KLF16: variants seen among roughly 807,000 people sequenced by gnomAD.
KLF16 encodes KLF transcription factor 16.
Under a neutral mutation model 6.1 loss-of-function variants are expected in KLF16, and 6 were observed. The observed-to-expected ratio is 0.98, with a 90% CI of 0.54 to 1.93. The LOEUF (loss-of-function observed/expected upper bound fraction) is 1.93. KLF16 is among the 30% of genes most tolerant of loss of function. The pLI is 0.01. For synonymous variants in KLF16, 211 were observed against 176.5 expected (o/e 1.20, Z -1.55); for missense variants, 355 against 363.8 (o/e 0.98, Z 0.20).
At chr19:1,856,425 G>C (rs2011951127) in intron 1 of KLF16, among the ~76,000 whole-genome samples, 1 of 152,188 alleles carries the variant, frequency 6.6e-6, no homozygotes, top group Non-Finnish European at 1.5e-5. Flanking sequence ...ACTGCAGACA[G>C]AGACCAGCAG....
chr19:1,869,710 G>A, the KLF16 span, among the ~76,000 whole-genome samples: 3 of 152,274 alleles, frequency 2.0e-5, no homozygotes, highest in South Asian at 6.2e-4. Context: ...GGGCTCCAGT[G>A]ATCCTCACAC....
At chr19:1,860,740 G>C (rs2012048151) in intron 1 of KLF16, among the ~76,000 whole-genome samples, 1 of 152,174 alleles carries the variant, frequency 6.6e-6, no homozygotes, top group Non-Finnish European at 1.5e-5. Flanking sequence ...CCTCCTCCGG[G>C]GGCTGAAAAA....
chr19:1,855,427 G>A (rs970032862), intron 1 of KLF16, among the ~76,000 whole-genome samples: 2 of 152,148 alleles, frequency 1.3e-5, no homozygotes, highest in African/African-American at 4.8e-5. Context: ...GGAGGGGAGG[G>A]GGCGGGGTCT....
chr19:1,856,313 A>T (rs2011948737), intron 1 of KLF16, among the ~76,000 whole-genome samples: 1 of 152,150 alleles, frequency 6.6e-6, no homozygotes, highest in Non-Finnish European at 1.5e-5. Context: ...ACTGAGGGGC[A>T]CCAGCGATCA....
chr19:1,872,046 C>T, the KLF16 span, among the ~76,000 whole-genome samples: 1 of 152,186 alleles, frequency 6.6e-6, no homozygotes, highest in South Asian at 2.1e-4. Flanking sequence ...GACCCCCAGG[C>T]ACCCCGCTTC....
the KLF16 span, among the ~76,000 whole-genome samples, chr19:1,868,714 G>C: frequency 6.7e-6 from 1 of 148,360 alleles, no homozygotes; most frequent in Admixed American, 6.8e-5. Context: ...GCACAATCTC[G>C]GCTCATTGCA....
intron 1 of KLF16, among the ~76,000 whole-genome samples, chr19:1,859,822 G>A (rs2012027274): frequency 6.6e-6 from 1 of 152,174 alleles, no homozygotes; most frequent in African/African-American, 2.4e-5. Context: ...GGGTGACCCT[G>A]CAGCCCCCTG....
At chr19:1,856,190 G>A (rs998323845) in intron 1 of KLF16, among the ~76,000 whole-genome samples, 3 of 152,164 alleles carry the variant, frequency 2.0e-5, no homozygotes, top group Non-Finnish European at 4.4e-5. Context: ...CAGAGACGGC[G>A]GGAGGGGCAC....
upstream of KLF16, among the ~76,000 whole-genome samples, chr19:1,866,551 T>C (rs538367415): frequency 1.7e-4 from 25 of 150,354 alleles, no homozygotes; most frequent in Non-Finnish European, 3.7e-4. Flanking sequence ...GAGGCGGAGG[T>C]TGCAGTGAGC....
At chr19:1,865,824 G>T (rs1343740356), upstream of KLF16, among the ~76,000 whole-genome samples, 1 of 152,226 alleles carries the variant, frequency 6.6e-6, no homozygotes. Flanking sequence ...ACCTCCAGCA[G>T]CGCCCGGCAC....
chr19:1,864,284 T>TCCCCC (rs911030306), upstream of KLF16, among the ~76,000 whole-genome samples: 1 of 150,974 alleles, frequency 6.6e-6, no homozygotes. Flanking sequence ...GCGCGACCCT[T>TCCCCC]CCCCCCTCTT....
chr19:1,854,806 G>T, intron 1 of KLF16, 46 bp from the exon 2 acceptor site: 1 of 1,583,008 alleles, frequency 6.3e-7, no homozygotes, highest in Non-Finnish European at 8.5e-7. Flanking sequence ...GGGGGCGGGG[G>T]GAGATGACAG....
upstream of KLF16, among the ~76,000 whole-genome samples, chr19:1,865,317 T>A (rs1272660543): frequency 2.0e-5 from 3 of 152,224 alleles, no homozygotes; most frequent in African/African-American, 7.2e-5. Flanking sequence ...TGGGCCTCTG[T>A]TGTCTTTGAA....
At chr19:1,854,807 G>A (rs1213149004) in intron 1 of KLF16, 47 bp from the exon 2 acceptor site, 6 of 1,581,504 alleles carry the variant, frequency 3.8e-6, no homozygotes, top group Admixed American at 3.4e-5. Context: ...GGGGCGGGGG[G>A]AGATGACAGA....
rs79081144 is a variant in KLF16 at position 1,856,066 on chromosome 19, C to T, written c.458-1306G>A. Among the ~76,000 whole-genome samples, 361 of 152,336 alleles carry T rather than the reference C, an allele frequency of 2.4e-3. 10 individuals are homozygous for T. In the East Asian group the frequency reaches 0.037, roughly 15 times the overall value. On this transcript the variant is annotated intron_variant, in intron 1 of 1. Transcript: ENST00000250916. Reference sequence around the variant, plus strand: ...CCGGTGGGTTACAAACTGGGCAGCCCACGCCCAGCACTGGAGGTTGCTCTG... The same window carrying T: ...CCGGTGGGTTACAAACTGGGCAGCCTACGCCCAGCACTGGAGGTTGCTCTG...
the KLF16 span, among the ~76,000 whole-genome samples, chr19:1,872,328 C>T: frequency 6.6e-6 from 1 of 152,194 alleles, no homozygotes; most frequent in Non-Finnish European, 1.5e-5. Flanking sequence ...GACAGGGTTT[C>T]ACCATGTTGG....
chr19:1,863,513 G>A lies in KLF16; in HGVS notation c.-16C>T. The A allele has an allele frequency of 3.0e-6, 3 of 985,190 alleles. No homozygotes were observed. The highest frequency in any genetic ancestry group is 3.6e-6 in the Non-Finnish European group (3 of 830,484). The allele number at this position is 985,190 out of a possible 1,614,324, so 61.0% of individuals were successfully genotyped here. A position where few individuals can be genotyped will look rare whatever the true frequency, so the allele number is the denominator to read the frequency against. On this transcript the variant is annotated 5_prime_UTR_variant, in exon 1 of 2. Transcript: ENST00000250916. The stretch of plus-strand genomic sequence containing the variant: ...CCGCCGACATGCCGAGCAAGGGCGC[G>A]CGGCGCGGCGGGCGGAGCGGAGGCG...
chr19:1,875,343 T>C, the KLF16 span: 2 of 152,218 alleles, frequency 1.3e-5, no homozygotes, highest in Non-Finnish European at 2.9e-5. Context: ...TGTATCTGAA[T>C]GCATGGGGCG....
At chr19:1,872,090 A>G in the KLF16 span, among the ~76,000 whole-genome samples, 1 of 152,042 alleles carries the variant, frequency 6.6e-6, no homozygotes, top group East Asian at 1.9e-4. Flanking sequence ...AAGCTTCCAT[A>G]AGAGCTTTCC....
Sources: allele counts gnomAD v4.1 joint callset (sites outside exome capture counted in the v4.1 genomes callset), GRCh38; gene constraint gnomAD v4.1.1; transcripts MANE v1.5; gene names NCBI Gene and HGNC (gene_info 2026-07-23, HGNC 2026-07-21).